Variants in CRTAC1 observed in about 807,000 individuals in gnomAD.
CRTAC1 encodes the protein acidic secreted protein in cartilage.
A neutral mutation model predicts 67.8 loss-of-function variants in CRTAC1; 37 were observed. That is an observed-to-expected ratio of 0.55 (90% CI 0.42 to 0.72). CRTAC1 has a LOEUF of 0.72. Ranked by LOEUF, CRTAC1 falls within the 30% of genes least tolerant of loss-of-function variation. The pLI is 0.00. For missense variants in CRTAC1, 780 were observed against 931.6 expected (o/e 0.84, Z 2.12); for synonymous variants, 348 against 371.0 (o/e 0.94, Z 0.71).
chr10:97,886,181 G>A (rs2050281606), intron 11 of CRTAC1, among the ~76,000 whole-genome samples: 1 of 152,174 alleles, frequency 6.6e-6, no homozygotes, highest in East Asian at 1.9e-4. Context: ...TGATGAGGGA[G>A]GTTCCAGAGG....
intron 2 of CRTAC1, among the ~76,000 whole-genome samples, chr10:97,956,360 T>C (rs2051440693): frequency 6.6e-6 from 1 of 152,194 alleles, no homozygotes; most frequent in African/African-American, 2.4e-5. Flanking sequence ...CAAAGGTCAC[T>C]GAGTTACAAA....
chr10:97,965,835 C>T (rs765614584), intron 2 of CRTAC1, among the ~76,000 whole-genome samples: 1 of 152,150 alleles, frequency 6.6e-6, no homozygotes, highest in African/African-American at 2.4e-5. Flanking sequence ...AGTTGTCGAA[C>T]TGAGCTGTGA....
At chr10:97,885,264 A>T (rs934915782) in intron 11 of CRTAC1, among the ~76,000 whole-genome samples, 1 of 152,118 alleles carries the variant, frequency 6.6e-6, no homozygotes, top group Non-Finnish European at 1.5e-5. Flanking sequence ...ACTCAGGAGG[A>T]TGAGGCAGAA....
chr10:97,972,172 C>A (rs1182455932), intron 2 of CRTAC1, among the ~76,000 whole-genome samples: 1 of 152,164 alleles, frequency 6.6e-6, no homozygotes, highest in East Asian at 1.9e-4. Flanking sequence ...CAATGCACCA[C>A]CAGAACAGAA....
intron 3 of CRTAC1, among the ~76,000 whole-genome samples, chr10:97,930,298 C>A (rs2050985039): frequency 1.3e-5 from 2 of 152,198 alleles, no homozygotes; most frequent in South Asian, 4.1e-4. Context: ...ATGGGGATGG[C>A]CTCTGGGGCC....
intron 14 of CRTAC1, among the ~76,000 whole-genome samples, chr10:97,878,075 A>G (rs1345703626): frequency 6.6e-6 from 1 of 152,222 alleles, no homozygotes; most frequent in Non-Finnish European, 1.5e-5. Flanking sequence ...AGGACTAGGG[A>G]ATAGTCTGAA....
At chr10:97,891,507 C>T (rs934317231) in intron 11 of CRTAC1, among the ~76,000 whole-genome samples, 5 of 152,270 alleles carry the variant, frequency 3.3e-5, no homozygotes, top group African/African-American at 1.2e-4. Context: ...CCTCTCATGG[C>T]CACGGGGCCA....
intron 6 of CRTAC1, among the ~76,000 whole-genome samples, chr10:97,907,031 C>G (rs1423519320): frequency 6.6e-6 from 1 of 152,104 alleles, no homozygotes; most frequent in Non-Finnish European, 1.5e-5. Context: ...TTGGCAAGGT[C>G]GGGGGAAATG....
chr10:98,020,037 A>T (rs980404510), intron 1 of CRTAC1, among the ~76,000 whole-genome samples: 5 of 152,004 alleles, frequency 3.3e-5, no homozygotes, highest in African/African-American at 1.2e-4. Flanking sequence ...TGCTTCACAA[A>T]TCTCTCTCAA....
At chr10:97,907,945 A>G (rs554584323) in intron 6 of CRTAC1, 68 bp downstream of exon 6, 5 of 1,566,870 alleles carry the variant, frequency 3.2e-6, no homozygotes, top group Admixed American at 3.4e-5. Flanking sequence ...GGGGCAGGGC[A>G]GTCTGGAGTC....
intron 6 of CRTAC1, among the ~76,000 whole-genome samples, chr10:97,906,733 G>T (rs1285325726): frequency 1.3e-5 from 2 of 152,210 alleles, no homozygotes; most frequent in African/African-American, 4.8e-5. Flanking sequence ...AAGAGGTAAG[G>T]CAAGGTAGGG....
In CRTAC1 at chr10:97,939,159, A is replaced by C. The variant is rs138802708; in HGVS notation, c.225-2793T>G. On this transcript the variant is annotated intron_variant, in intron 2 of 14. Coordinates refer to ENST00000370597, the MANE Select transcript of CRTAC1 (RefSeq NM_018058.7). ...TTCACCACCCCCTGAAGCCAGTTCC[A>C]AGGGAGAGGTGAGGGATCATGGCCT... is the stretch of plus-strand genomic sequence containing the variant. 4.1e-3 allele frequency among the ~76,000 whole-genome samples: 627 copies of C among 152,250 alleles called. 3 individuals carry two copies. The highest frequency in any genetic ancestry group is 0.014 in the African/African-American group (568 of 41,550).
At chr10:97,997,798 G>T (rs1211495014) in intron 2 of CRTAC1, among the ~76,000 whole-genome samples, 1 of 152,170 alleles carries the variant, frequency 6.6e-6, no homozygotes, top group Non-Finnish European at 1.5e-5. Context: ...TGCAATTGAA[G>T]AAATAATTAG....
At chr10:97,903,774 C>A (rs1190947734) in intron 7 of CRTAC1, among the ~76,000 whole-genome samples, 1 of 152,134 alleles carries the variant, frequency 6.6e-6, no homozygotes, top group Non-Finnish European at 1.5e-5. Context: ...GCCCCTCATG[C>A]TGTTGGCACC....
rs778826225 is a variant in CRTAC1 at position 97,908,001 on chromosome 10, G to T, written c.850+12C>A. On this transcript the variant is annotated intron_variant, in intron 6 of 14. Coordinates refer to ENST00000370597, the MANE Select transcript of CRTAC1 (RefSeq NM_018058.7). ...GGGTCAGGGTGCACAGGGCATGGCT[G>T]CCTCCACTCACCAGCACTGGCCGCA... 1 of 1,613,910 alleles carries T rather than the reference G, an allele frequency of 6.2e-7. No individual in the cohort carries two copies. Among genetic ancestry groups the T allele is most frequent in the Admixed American group, 1.7e-5 (1 of 60,010 alleles).
intron 2 of CRTAC1, among the ~76,000 whole-genome samples, chr10:98,010,345 T>A (rs1842881433): frequency 6.6e-6 from 1 of 152,182 alleles, no homozygotes; most frequent in Non-Finnish European, 1.5e-5. Flanking sequence ...CGGCCCTCAA[T>A]GCATAATAAT....
chr10:97,876,138 T>G (rs1171212663), intron 14 of CRTAC1, among the ~76,000 whole-genome samples: 3 of 152,154 alleles, frequency 2.0e-5, no homozygotes, highest in Non-Finnish European at 4.4e-5. Flanking sequence ...ACTGTGGCTT[T>G]TGCTTAAACC....
rs547852246 is a variant in CRTAC1 at position 97,892,141 on chromosome 10, C to T, written c.1486+3104G>A. Among the ~76,000 whole-genome samples the T allele has an allele frequency of 7.2e-4, 110 of 152,296 alleles. 1 individual carries two copies. Among genetic ancestry groups the T allele is most frequent in the African/African-American group, 2.6e-3 (109 of 41,570 alleles). On this transcript the variant is annotated intron_variant, in intron 11 of 14. Coordinates refer to ENST00000370597, the MANE Select transcript of CRTAC1 (RefSeq NM_018058.7). ...AGGTGCCCAGAAGGGGCTCTTGAGC[C>T]TCCTTCTCCCCACCACATGACCTGG...
At chr10:98,006,511 A>G (rs112855083) in intron 2 of CRTAC1, among the ~76,000 whole-genome samples, 1 of 152,220 alleles carries the variant, frequency 6.6e-6, no homozygotes, top group Non-Finnish European at 1.5e-5. Flanking sequence ...AGTCAGAGAC[A>G]TGCACACGCC....
Sources: gnomAD v4.1 joint callset for allele counts (sites outside exome capture counted in the v4.1 genomes callset) on GRCh38, gnomAD v4.1.1 for gene constraint, MANE v1.5 for transcripts, NCBI Gene and HGNC (gene_info 2026-07-23, HGNC 2026-07-21) for gene names.